The following KHDRBS3 variants were observed in gnomAD, a reference collection of about 807,000 sequenced individuals.
KHDRBS3 encodes KH RNA binding domain containing, signal transduction associated 3.
A neutral mutation model predicts 45.6 loss-of-function variants in KHDRBS3; 23 were observed. The observed-to-expected ratio is 0.50, with a 90% CI of 0.36 to 0.72. The LOEUF (loss-of-function observed/expected upper bound fraction) is 0.72. Ranked by LOEUF, KHDRBS3 falls within the 30% of genes least tolerant of loss-of-function variation. The pLI is 0.00. For synonymous variants in KHDRBS3, 162 were observed against 156.5 expected (o/e 1.04, Z -0.26); for missense variants, 352 against 424.8 (o/e 0.83, Z 1.51).
At chr8:135,551,094 G>A (rs566370770) in intron 4 of KHDRBS3, among the ~76,000 whole-genome samples, 2 of 151,968 alleles carry the variant, frequency 1.3e-5, no homozygotes, top group Non-Finnish European at 1.5e-5. Flanking sequence ...CTTGCCAAAC[G>A]TGTTTATTAG....
chr8:135,477,266 T>C (rs1211242694), intron 1 of KHDRBS3, among the ~76,000 whole-genome samples: 2 of 152,228 alleles, frequency 1.3e-5, no homozygotes, highest in Non-Finnish European at 2.9e-5. Context: ...TTTACTGATA[T>C]GTAGCAGGGC....
chr8:135,491,612 G>A (rs1483859575), intron 1 of KHDRBS3, among the ~76,000 whole-genome samples: 1 of 152,032 alleles, frequency 6.6e-6, no homozygotes, highest in East Asian at 1.9e-4. Flanking sequence ...AGAGAAGAAG[G>A]GGCAGTGGTT....
At chr8:135,586,535 G>GT (rs142868738) in intron 6 of KHDRBS3, among the ~76,000 whole-genome samples, 40,507 of 151,966 alleles carry the variant, frequency 0.27, 5,818 homozygotes, top group East Asian at 0.53. Context: ...GAAATGAACT[G>GT]TTAGGAAGAA....
rs182489957 is a variant in KHDRBS3 at position 135,566,368 on chromosome 8, G to A, written c.611+8781G>A. Among the ~76,000 whole-genome samples the A allele has an allele frequency of 2.6e-4, 39 of 152,296 alleles. No individual in the cohort carries two copies. The East Asian group carries it at 7.5e-3, about 29-fold the overall frequency. On this transcript the variant is annotated intron_variant, in intron 5 of 8. Coordinates refer to ENST00000355849, the MANE Select transcript of KHDRBS3 (RefSeq NM_006558.3). The stretch of plus-strand genomic sequence containing the variant: ...GTTCTTCACATTAGAGGAGGAACTT[G>A]ATTTTTTAATGTTGAAATGTTATAA...
chr8:135,475,953 A>G (rs1441501075), intron 1 of KHDRBS3, among the ~76,000 whole-genome samples: 2 of 152,288 alleles, frequency 1.3e-5, no homozygotes, highest in African/African-American at 2.4e-5. Context: ...ACAGTAGATT[A>G]AAATGGAGGG....
At chr8:135,520,326 C>G (rs1403040572) in intron 1 of KHDRBS3, among the ~76,000 whole-genome samples, 1 of 152,166 alleles carries the variant, frequency 6.6e-6, no homozygotes, top group Non-Finnish European at 1.5e-5. Context: ...CTCATTCATT[C>G]AGCATTCATG....
chr8:135,579,242 A>T (rs993148056), intron 5 of KHDRBS3, among the ~76,000 whole-genome samples: 1 of 152,196 alleles, frequency 6.6e-6, no homozygotes, highest in African/African-American at 2.4e-5. Flanking sequence ...GTTGAATAGT[A>T]GTTGTGAGAG....
chr8:135,561,238 T>C (rs1039690123), intron 5 of KHDRBS3, among the ~76,000 whole-genome samples: 6 of 152,226 alleles, frequency 3.9e-5, no homozygotes, highest in African/African-American at 1.4e-4. Flanking sequence ...CAAGTCTGAA[T>C]TGAAACTCAT....
At chr8:135,588,223 C>T (rs186545173) in intron 6 of KHDRBS3, among the ~76,000 whole-genome samples, 15 of 152,200 alleles carry the variant, frequency 9.9e-5, no homozygotes, top group East Asian at 5.8e-4. Context: ...TTTGTTAGAA[C>T]GGCTCAGAAC....
intron 6 of KHDRBS3, among the ~76,000 whole-genome samples, chr8:135,592,926 C>T (rs1053814675): frequency 6.6e-6 from 1 of 151,992 alleles, no homozygotes; most frequent in South Asian, 2.1e-4. Flanking sequence ...TGGTGGGCCT[C>T]GGTGTCTCAC....
chr8:135,632,031 A>G (rs1302967755), intron 7 of KHDRBS3, among the ~76,000 whole-genome samples: 2 of 152,208 alleles, frequency 1.3e-5, no homozygotes, highest in East Asian at 3.9e-4. Context: ...ATTGAATGAA[A>G]CATCATTATG....
chr8:135,573,734 G>GT (rs1430287724), intron 5 of KHDRBS3, among the ~76,000 whole-genome samples: 3 of 151,662 alleles, frequency 2.0e-5, no homozygotes, highest in Non-Finnish European at 1.5e-5. Context: ...TTTTGTTTTT[G>GT]TTTTTTTGGT....
At chr8:135,602,783 C>G (rs1829276677) in intron 6 of KHDRBS3, among the ~76,000 whole-genome samples, 1 of 152,136 alleles carries the variant, frequency 6.6e-6, no homozygotes, top group Admixed American at 6.5e-5. Context: ...GCCCTCACAC[C>G]AAGAGATATT....
At chr8:135,458,925 C>T (rs1480696018) in intron 1 of KHDRBS3, 2 of 456,172 alleles carry the variant, frequency 4.4e-6, no homozygotes, top group Non-Finnish European at 8.8e-6. Context: ...ATTAAGCCTT[C>T]CTTCCTGGGA....
At chr8:135,643,271 A>C (rs1440850843) in intron 7 of KHDRBS3, among the ~76,000 whole-genome samples, 1 of 152,084 alleles carries the variant, frequency 6.6e-6, no homozygotes, top group Non-Finnish European at 1.5e-5. Flanking sequence ...TCACCCTCAG[A>C]ACACTGTGCA....
downstream of KHDRBS3, chr8:135,648,105 G>C (rs777183823): frequency 2.0e-5 from 3 of 152,040 alleles, no homozygotes; most frequent in African/African-American, 7.2e-5. Context: ...ACCCTTAAAC[G>C]GTCTTCATTT....
chr8:135,640,279 A>G (rs1831007687), intron 7 of KHDRBS3, among the ~76,000 whole-genome samples: 1 of 152,172 alleles, frequency 6.6e-6, no homozygotes, highest in Non-Finnish European at 1.5e-5. Flanking sequence ...CAGTGAATTT[A>G]AAGTAGAAAT....
At chr8:135,537,142 C>T (rs983072538) in intron 2 of KHDRBS3, among the ~76,000 whole-genome samples, 1 of 152,170 alleles carries the variant, frequency 6.6e-6, no homozygotes, top group African/African-American at 2.4e-5. Flanking sequence ...TGGCAGGCTT[C>T]AGGCTTGAGT....
At chr8:135,567,873 A>T (rs972539233) in intron 5 of KHDRBS3, among the ~76,000 whole-genome samples, 7 of 152,222 alleles carry the variant, frequency 4.6e-5, no homozygotes, top group African/African-American at 1.7e-4. Flanking sequence ...GAATTAAAAA[A>T]TTTCTTTCTT....
Sources: gnomAD v4.1 joint callset for allele counts (sites outside exome capture counted in the v4.1 genomes callset) on GRCh38, gnomAD v4.1.1 for gene constraint, MANE v1.5 for transcripts, NCBI Gene and HGNC (gene_info 2026-07-23, HGNC 2026-07-21) for gene names.